Variants in ZBTB20 observed in about 807,000 individuals in gnomAD.
ZBTB20 encodes zinc finger and BTB domain-containing protein 20.
ZBTB20 carries 9 observed loss-of-function variants against 56.9 expected under a neutral mutation model. The ratio of observed to expected loss-of-function variants is 0.16; its 90% CI spans 0.10 to 0.28. The LOEUF is 0.28. Among genes scored for constraint, ZBTB20 ranks in the 10% least tolerant of loss-of-function variants. The probability of loss-of-function intolerance (pLI) is 1.00; values close to 1 mark genes in which losing one functional copy is unlikely to be tolerated. For missense variants in ZBTB20, 655 were observed against 1,003.0 expected (o/e 0.65, Z 4.69); for synonymous variants, 417 against 420.7 (o/e 0.99, Z 0.11).
At chr3:114,396,101 G>A (rs775713031) in intron 7 of ZBTB20, among the ~76,000 whole-genome samples, 13 of 152,222 alleles carry the variant, frequency 8.5e-5, no homozygotes, top group East Asian at 1.9e-4. Context: ...CCGGATACTG[G>A]AACCTTCTTA....
intron 5 of ZBTB20, among the ~76,000 whole-genome samples, chr3:114,789,811 G>A (rs2070806014): frequency 6.6e-6 from 1 of 152,124 alleles, no homozygotes; most frequent in Non-Finnish European, 1.5e-5. Flanking sequence ...GTCATGAGGT[G>A]AGAAGAAGAT....
At chr3:114,510,921 G>A (rs2045295799) in intron 6 of ZBTB20, among the ~76,000 whole-genome samples, 1 of 151,762 alleles carries the variant, frequency 6.6e-6, no homozygotes, top group East Asian at 1.9e-4. Flanking sequence ...ACAGACTCAT[G>A]TTTTTCCAGA....
intron 4 of ZBTB20, among the ~76,000 whole-genome samples, chr3:114,808,260 T>C (rs2072264684): frequency 1.3e-5 from 2 of 152,102 alleles, no homozygotes; most frequent in African/African-American, 4.8e-5. Flanking sequence ...CTAACAATTG[T>C]CTAATTGTTA....
At chr3:114,714,959 G>A (rs748107236) in intron 5 of ZBTB20, among the ~76,000 whole-genome samples, 2 of 152,098 alleles carry the variant, frequency 1.3e-5, no homozygotes, top group African/African-American at 4.8e-5. Context: ...ATAGCCAGTC[G>A]GCCATTAATG....
At chr3:114,959,881 A>G (rs2077385214) in intron 3 of ZBTB20, among the ~76,000 whole-genome samples, 1 of 152,150 alleles carries the variant, frequency 6.6e-6, no homozygotes, top group African/African-American at 2.4e-5. Context: ...CTAGCATCAA[A>G]TAGGTACCAA....
chr3:114,493,460 T>C (rs2042955418), intron 7 of ZBTB20, among the ~76,000 whole-genome samples: 1 of 152,234 alleles, frequency 6.6e-6, no homozygotes. Context: ...TTTGCTCCTC[T>C]ACTGTCCTTA....
intron 7 of ZBTB20, among the ~76,000 whole-genome samples, chr3:114,474,395 T>C (rs1049213853): frequency 3.3e-5 from 5 of 152,226 alleles, no homozygotes; most frequent in African/African-American, 1.2e-4. Context: ...ATTCCAAATA[T>C]GGTTAAGAAC....
At chr3:114,954,563 T>A (rs2077183996) in intron 3 of ZBTB20, among the ~76,000 whole-genome samples, 1 of 152,174 alleles carries the variant, frequency 6.6e-6, no homozygotes, top group Admixed American at 6.5e-5. Flanking sequence ...TATGGATTAG[T>A]AAGAAAGTCC....
intron 6 of ZBTB20, among the ~76,000 whole-genome samples, chr3:114,583,940 G>A (rs1038262173): frequency 6.6e-6 from 1 of 152,088 alleles, no homozygotes; most frequent in Non-Finnish European, 1.5e-5. Context: ...ATCCTATTGC[G>A]CATCTTGGTT....
intron 4 of ZBTB20, among the ~76,000 whole-genome samples, chr3:114,891,236 A>AC (rs773482308): frequency 1.1e-4 from 17 of 152,166 alleles, no homozygotes; most frequent in Admixed American, 2.0e-4. Flanking sequence ...TGAAGGGGAG[A>AC]CAGGGGATGC....
intron 4 of ZBTB20, among the ~76,000 whole-genome samples, chr3:114,842,184 C>A (rs952891661): frequency 1.3e-5 from 2 of 152,124 alleles, no homozygotes; most frequent in Non-Finnish European, 2.9e-5. Flanking sequence ...TCTTTCCATG[C>A]CATTACTCTA....
intron 6 of ZBTB20, among the ~76,000 whole-genome samples, chr3:114,602,886 T>C (rs1371307018): frequency 5.3e-5 from 8 of 152,040 alleles, no homozygotes; most frequent in Non-Finnish European, 1.5e-5. Flanking sequence ...TTCCTGTTAC[T>C]GAAGTAACAA....
At chr3:114,626,012 T>C (rs2058642197) in intron 6 of ZBTB20, among the ~76,000 whole-genome samples, 1 of 152,020 alleles carries the variant, frequency 6.6e-6, no homozygotes, top group African/African-American at 2.4e-5. Flanking sequence ...GTAATGGCCA[T>C]AAAGAAGGAA....
At chr3:114,639,720 T>C (rs1413863446) in intron 6 of ZBTB20, among the ~76,000 whole-genome samples, 3 of 152,004 alleles carry the variant, frequency 2.0e-5, no homozygotes, top group African/African-American at 4.8e-5. Context: ...AATTTAGCAA[T>C]AGTTAGCAAT....
At chr3:114,625,190 G>A (rs1367143724) in intron 6 of ZBTB20, among the ~76,000 whole-genome samples, 1 of 151,908 alleles carries the variant, frequency 6.6e-6, no homozygotes, top group Non-Finnish European at 1.5e-5. Context: ...CAGCTCTGGG[G>A]TGAAGATTGT....
intron 6 of ZBTB20, among the ~76,000 whole-genome samples, chr3:114,606,718 A>G (rs1202038884): frequency 6.6e-6 from 1 of 151,954 alleles, no homozygotes; most frequent in African/African-American, 2.4e-5. Flanking sequence ...TCTCTTTCCT[A>G]TTTCTTCTGT....
intron 5 of ZBTB20, among the ~76,000 whole-genome samples, chr3:114,754,851 G>A (rs749310126): frequency 6.6e-6 from 1 of 152,132 alleles, no homozygotes; most frequent in East Asian, 1.9e-4. Context: ...ATATTATTGA[G>A]TATGTATTAG....
chr3:114,787,803 T>C (rs112921578), intron 5 of ZBTB20, among the ~76,000 whole-genome samples: 73 of 152,250 alleles, frequency 4.8e-4, no homozygotes, highest in African/African-American at 1.7e-3. Flanking sequence ...AAAGCCATGG[T>C]TTCTCCTACT....
intron 7 of ZBTB20, among the ~76,000 whole-genome samples, chr3:114,450,495 A>G (rs1206887336): frequency 6.6e-6 from 1 of 152,158 alleles, no homozygotes; most frequent in African/African-American, 2.4e-5. Flanking sequence ...TCCAAGTTTC[A>G]ACAAAATTCA....
Sources: allele counts gnomAD v4.1 joint callset (sites outside exome capture counted in the v4.1 genomes callset), GRCh38; gene constraint gnomAD v4.1.1; transcripts MANE v1.5; gene names NCBI Gene and HGNC (gene_info 2026-07-23, HGNC 2026-07-21).